Variants in NHSL2 observed in about 807,000 individuals in gnomAD.
NHSL2 encodes NHS-like protein 2.
NHSL2 carries 27 observed loss-of-function variants against 53.4 expected under a neutral mutation model. The ratio of observed to expected loss-of-function variants is 0.51; its 90% CI spans 0.37 to 0.70. The LOEUF is 0.70. NHSL2 is among the 30% of genes least tolerant of loss of function. NHSL2 has a pLI of 0.00. For synonymous variants in NHSL2, 408 were observed against 404.1 expected (o/e 1.01, Z -0.12); for missense variants, 892 against 980.1 (o/e 0.91, Z 1.20).
intron 1 of NHSL2, among the ~76,000 whole-genome samples, chrX:72,106,126 G>A (rs751109617): frequency 2.2e-4 from 24 of 110,886 alleles, no homozygotes; most frequent in East Asian, 1.7e-3. Flanking sequence ...GGAGAATGGC[G>A]TGAACCCCGG....
intron 1 of NHSL2, among the ~76,000 whole-genome samples, chrX:72,085,704 GTTTTTTTTTTGT>G (rs2041833952): frequency 6.0e-5 from 5 of 82,657 alleles, no homozygotes; most frequent in South Asian, 5.4e-4. Flanking sequence ...GAAATTCTTT[GTTTTTTTTTTGT>G]TTTTTTTTTT....
At chrX:72,008,838 C>T (rs887669708) in intron 1 of NHSL2, among the ~76,000 whole-genome samples, 2 of 112,016 alleles carry the variant, frequency 1.8e-5, no homozygotes, top group African/African-American at 6.5e-5. Context: ...ATGCCACCAT[C>T]GTCTCTGGCC....
intron 1 of NHSL2, among the ~76,000 whole-genome samples, chrX:72,118,555 G>A (rs2042158491): frequency 9.0e-6 from 1 of 111,193 alleles, no homozygotes; most frequent in Admixed American, 9.6e-5. Context: ...CTCCCAAGTA[G>A]CTGGTACTAC....
intron 1 of NHSL2, among the ~76,000 whole-genome samples, chrX:71,918,208 G>T (rs2041638561): frequency 9.0e-6 from 1 of 111,491 alleles, no homozygotes; most frequent in South Asian, 3.8e-4. Flanking sequence ...TGTGTATCCA[G>T]TTGCACTCCA....
intron 1 of NHSL2, among the ~76,000 whole-genome samples, chrX:72,054,785 G>A (rs1340867591): frequency 9.0e-6 from 1 of 111,254 alleles, no homozygotes; most frequent in Non-Finnish European, 1.9e-5. Flanking sequence ...CCCAAGTGGC[G>A]AGGATGACAT....
chrX:72,085,794 GTCCCAGGCAGTGCAGCTGCTCCCTAC>G (rs1569478712), intron 1 of NHSL2, among the ~76,000 whole-genome samples: 1 of 107,211 alleles, frequency 9.3e-6, no homozygotes, highest in African/African-American at 3.4e-5. Flanking sequence ...GAGGAGTTGG[GTCCCAGGCAGTGCAGCTGCTCCCTAC>G]TCCCTCCCTA....
chrX:72,045,885 C>A (rs1019854290), intron 1 of NHSL2, among the ~76,000 whole-genome samples: 5 of 112,294 alleles, frequency 4.5e-5, no homozygotes, highest in Non-Finnish European at 9.4e-5. Context: ...TTTCATTTTT[C>A]TGATATGACT....
Position 72,140,210 on chromosome X carries a change from C to G in NHSL2, c.2662C>G (p.Pro888Ala), listed in dbSNP as rs1188878652. ...GAGGCCTCCAAGCTTGGTCCACAAGCCACCATCTGTTCCTGAGGAGTATGC... is the reference window on the plus strand; with the variant it reads ...GAGGCCTCCAAGCTTGGTCCACAAGGCACCATCTGTTCCTGAGGAGTATGC... ...ARRPPSLVHKPPSVPEEYALT... is the reference protein window; with the variant it reads ...ARRPPSLVHKAPSVPEEYALT... The change falls in exon 6 of 8, where the codon CCA becomes GCA. Residue 888 changes from proline to alanine, a missense_variant. Transcript: ENST00000633930. 1.7e-5 allele frequency: 20 copies of G among 1,208,175 alleles called. No homozygotes were observed. The highest frequency in any genetic ancestry group is 2.3e-4 in the Middle Eastern group (1 of 4,361).
chrX:71,969,494 G>T (rs2041916491), intron 1 of NHSL2, among the ~76,000 whole-genome samples: 1 of 110,255 alleles, frequency 9.1e-6, no homozygotes, highest in Non-Finnish European at 1.9e-5. Context: ...TGTATTTTTA[G>T]TAGAGACGGG....
At chrX:72,087,015 G>A (rs977925067) in intron 1 of NHSL2, among the ~76,000 whole-genome samples, 4 of 112,049 alleles carry the variant, frequency 3.6e-5, no homozygotes, top group African/African-American at 6.5e-5. Context: ...CCTGGGCTAT[G>A]AAGGAAGGCT....
chrX:72,139,869 C>G lies in NHSL2; in HGVS notation c.2321C>G (p.Pro774Arg). 8.3e-7 allele frequency: 1 copy of G among 1,211,074 alleles called. No homozygotes were observed. Among genetic ancestry groups the G allele is most frequent in the Non-Finnish European group, 1.1e-6 (1 of 894,845 alleles). ...FPKSRLSFDL[P>R]LTSSPNLDLS... is the part of the protein sequence containing the mutation. ...AAGTCACGGCTATCATTTGACCTACCACTGACCTCTTCACCCAACCTGGAT... is the reference window on the plus strand; with the variant it reads ...AAGTCACGGCTATCATTTGACCTACGACTGACCTCTTCACCCAACCTGGAT... The change falls in exon 6 of 8, where the codon CCA becomes CGA. Residue 774 changes from proline to arginine, a missense_variant. Coordinates refer to ENST00000633930, the MANE Select transcript of NHSL2 (RefSeq NM_001013627.3).
chrX:72,135,312 C>A (rs1016916333), intron 4 of NHSL2, among the ~76,000 whole-genome samples: 2 of 111,884 alleles, frequency 1.8e-5, no homozygotes, highest in Non-Finnish European at 3.8e-5. Flanking sequence ...GAGTGGGGAA[C>A]GTGCTGTATT....
intron 1 of NHSL2, among the ~76,000 whole-genome samples, chrX:72,085,119 C>G (rs2041826002): frequency 9.0e-6 from 1 of 111,556 alleles, no homozygotes; most frequent in African/African-American, 3.3e-5. Flanking sequence ...TGTCCTCACC[C>G]TAAACATATG....
At chrX:71,962,656 A>T (rs1477084076) in intron 1 of NHSL2, among the ~76,000 whole-genome samples, 1 of 86,759 alleles carries the variant, frequency 1.2e-5, no homozygotes, top group Non-Finnish European at 2.2e-5. Flanking sequence ...TTGAGACCAG[A>T]TCTCACTCTG....
intron 1 of NHSL2, among the ~76,000 whole-genome samples, chrX:71,951,157 T>A (rs1022595532): frequency 1.8e-5 from 2 of 111,343 alleles, no homozygotes; most frequent in Non-Finnish European, 3.8e-5. Context: ...AAATTGACAA[T>A]CTCCAACTCT....
At position 72,116,800 on chromosome X, in the gene NHSL2, G is replaced by C. The variant is rs141024653; in HGVS notation, c.281-15279G>C. On this transcript the variant is annotated intron_variant, in intron 1 of 7. Coordinates refer to ENST00000633930, the MANE Select transcript of NHSL2 (RefSeq NM_001013627.3). The stretch of plus-strand genomic sequence containing the variant: ...GTGAGGACAGCTAGGGGGTGCTCAT[G>C]GGGTCTCCCTCATCCTCAGGGAGGG... Among the ~76,000 whole-genome samples the C allele has an allele frequency of 7.6e-4, 85 of 111,708 alleles. 1 individual carries two copies. The East Asian group carries it at 0.023, about 30-fold the overall frequency.
At chrX:71,939,107 A>C (rs756019541) in intron 1 of NHSL2, among the ~76,000 whole-genome samples, 1 of 112,112 alleles carries the variant, frequency 8.9e-6, no homozygotes, top group Non-Finnish European at 1.9e-5. Flanking sequence ...CTAGAGGAAT[A>C]GTCCTTCATC....
At chrX:71,991,199 C>T (rs755680219) in intron 1 of NHSL2, among the ~76,000 whole-genome samples, 22 of 112,725 alleles carry the variant, frequency 2.0e-4, no homozygotes, top group African/African-American at 4.2e-4. Flanking sequence ...GGCACATTAA[C>T]GTGATTTTGA....
At chrX:71,940,186 CAAGA>C (rs923827799) in intron 1 of NHSL2, among the ~76,000 whole-genome samples, 11 of 112,009 alleles carry the variant, frequency 9.8e-5, no homozygotes, top group Non-Finnish European at 2.1e-4. Context: ...AGCCAAGCTA[CAAGA>C]AAGTTTCAAG....
Sources: allele counts gnomAD v4.1 joint callset (sites outside exome capture counted in the v4.1 genomes callset), GRCh38; gene constraint gnomAD v4.1.1; transcripts MANE v1.5; gene names NCBI Gene and HGNC (gene_info 2026-07-23, HGNC 2026-07-21).